The following UBE2E2 variants were observed in gnomAD, a reference collection of about 807,000 sequenced individuals.
UBE2E2 encodes ubiquitin-conjugating enzyme E2 E2.
Under a neutral mutation model 24.7 loss-of-function variants are expected in UBE2E2, and 6 were observed. The ratio of observed to expected loss-of-function variants is 0.24; its 90% CI spans 0.13 to 0.48. The LOEUF is 0.48. Ranked by LOEUF, UBE2E2 falls within the 20% of genes least tolerant of loss-of-function variation. The pLI, the probability that UBE2E2 is intolerant of heterozygous loss-of-function variation, is 0.99. For missense variants in UBE2E2, 169 were observed against 245.0 expected (o/e 0.69, Z 2.07); for synonymous variants, 104 against 83.6 (o/e 1.24, Z -1.33).
At chr3:23,210,504 G>A (rs891281295) in intron 2 of UBE2E2, among the ~76,000 whole-genome samples, 3 of 152,166 alleles carry the variant, frequency 2.0e-5, no homozygotes, top group Non-Finnish European at 4.4e-5. Flanking sequence ...ACTGCTTTAT[G>A]TGTGAACATG....
intron 3 of UBE2E2, among the ~76,000 whole-genome samples, chr3:23,370,292 A>G (rs993379980): frequency 6.6e-6 from 1 of 152,138 alleles, no homozygotes; most frequent in African/African-American, 2.4e-5. Context: ...ATCACTTTCA[A>G]CTTTTTCTGT....
At chr3:23,223,315 C>T (rs758198363) in intron 3 of UBE2E2, among the ~76,000 whole-genome samples, 2 of 151,748 alleles carry the variant, frequency 1.3e-5, no homozygotes, top group Non-Finnish European at 2.9e-5. Flanking sequence ...GCCTCAGCCT[C>T]CTGAATAACT....
chr3:23,253,971 G>A, intron 3 of UBE2E2, among the ~76,000 whole-genome samples: 1 of 152,116 alleles, frequency 6.6e-6, no homozygotes, highest in East Asian at 1.9e-4. Flanking sequence ...TTTAAATTTA[G>A]ATTTGTGATT....
chr3:23,235,164 A>C (rs114493927), intron 3 of UBE2E2, among the ~76,000 whole-genome samples: 2,208 of 152,320 alleles, frequency 0.014, 54 homozygotes, highest in African/African-American at 0.051. Context: ...AAAACAAAAC[A>C]AAACAGAAAA....
chr3:23,428,683 C>T (rs1191422798), intron 3 of UBE2E2, among the ~76,000 whole-genome samples: 2 of 151,766 alleles, frequency 1.3e-5, no homozygotes, highest in African/African-American at 4.8e-5. Context: ...ACATCAGAAA[C>T]AAAAGAGAGG....
At chr3:23,318,978 C>G (rs1455732273) in intron 3 of UBE2E2, among the ~76,000 whole-genome samples, 6 of 152,054 alleles carry the variant, frequency 3.9e-5, no homozygotes, top group Non-Finnish European at 7.4e-5. Context: ...TCCAGTGTTC[C>G]TTTTGTCAAA....
chr3:23,262,649 A>G (rs1184759783), intron 3 of UBE2E2, among the ~76,000 whole-genome samples: 1 of 151,738 alleles, frequency 6.6e-6, no homozygotes, highest in Non-Finnish European at 1.5e-5. Context: ...CTGCTTATAT[A>G]TTTTGGGTAT....
chr3:23,564,063 A>G lies in UBE2E2; in HGVS notation c.509-25671A>G, dbSNP rs1208903933. 2.0e-5 allele frequency among the ~76,000 whole-genome samples: 3 copies of G among 152,260 alleles called. No homozygotes were observed. In the South Asian group the frequency reaches 6.2e-4, roughly 32 times the overall value. Reference sequence around the variant, plus strand: ...TTTTTTTTTACCATTCCTAAGAACAACCATGTGTTTGTGTGTGAAGAATGG... The same window carrying G: ...TTTTTTTTTACCATTCCTAAGAACAGCCATGTGTTTGTGTGTGAAGAATGG... On this transcript the variant is annotated intron_variant, in intron 5 of 5. Coordinates refer to ENST00000396703, the MANE Select transcript of UBE2E2 (RefSeq NM_152653.4).
At chr3:23,530,990 T>C (rs1695110752) in intron 4 of UBE2E2, among the ~76,000 whole-genome samples, 1 of 152,164 alleles carries the variant, frequency 6.6e-6, no homozygotes, top group Non-Finnish European at 1.5e-5. Context: ...TTAAAGAATG[T>C]TGGTTATATT....
intron 3 of UBE2E2, among the ~76,000 whole-genome samples, chr3:23,471,554 A>G (rs1699033108): frequency 6.6e-6 from 1 of 152,208 alleles, no homozygotes; most frequent in Non-Finnish European, 1.5e-5. Flanking sequence ...CATAGCAACC[A>G]CTGAGATTGC....
chr3:23,258,662 G>A (rs1279009835), intron 3 of UBE2E2, among the ~76,000 whole-genome samples: 6 of 152,124 alleles, frequency 3.9e-5, no homozygotes, highest in Non-Finnish European at 5.9e-5. Flanking sequence ...GGGAGGCCGA[G>A]GCGGGCAGAT....
intron 3 of UBE2E2, among the ~76,000 whole-genome samples, chr3:23,325,359 G>T (rs1215663533): frequency 1.3e-5 from 2 of 152,102 alleles, no homozygotes; most frequent in African/African-American, 4.8e-5. Context: ...CTAATCTGAG[G>T]CTGGGCTGGA....
chr3:23,470,976 T>C (rs1366440036), intron 3 of UBE2E2, among the ~76,000 whole-genome samples: 1 of 152,188 alleles, frequency 6.6e-6, no homozygotes, highest in Non-Finnish European at 1.5e-5. Context: ...TGTAACCCTT[T>C]CTTCACACAA....
At chr3:23,306,606 A>G (rs1699243479) in intron 3 of UBE2E2, among the ~76,000 whole-genome samples, 1 of 152,184 alleles carries the variant, frequency 6.6e-6, no homozygotes. Context: ...GCAAATGTCG[A>G]TATTGCTTAG....
At chr3:23,439,817 G>A (rs549193117) in intron 3 of UBE2E2, among the ~76,000 whole-genome samples, 1 of 152,178 alleles carries the variant, frequency 6.6e-6, no homozygotes, top group African/African-American at 2.4e-5. Context: ...TATAACTAAA[G>A]TACCATAGTG....
intron 3 of UBE2E2, among the ~76,000 whole-genome samples, chr3:23,363,403 C>T (rs1382428991): frequency 6.6e-6 from 1 of 152,180 alleles, no homozygotes; most frequent in Non-Finnish European, 1.5e-5. Flanking sequence ...CTACAGGACT[C>T]ATCTCACATG....
Position 23,431,961 on chromosome 3 carries a change from A to T in UBE2E2, c.228-67647A>T, listed in dbSNP as rs529539105. Among the ~76,000 whole-genome samples, 1,245 of 152,300 alleles carry T rather than the reference A, an allele frequency of 8.2e-3. 15 individuals are homozygous for T. Among genetic ancestry groups the T allele is most frequent in the African/African-American group, 0.028 (1,161 of 41,576 alleles). The stretch of plus-strand genomic sequence containing the variant: ...GACTACTAAATAAGCTCTCACAGAC[A>T]GGTCATATGAAACCACGTTTATATC... On this transcript the variant is annotated intron_variant, in intron 3 of 5. Transcript: ENST00000396703.
intron 3 of UBE2E2, among the ~76,000 whole-genome samples, chr3:23,364,251 C>T (rs1295880690): frequency 6.6e-6 from 1 of 151,992 alleles, no homozygotes; most frequent in Non-Finnish European, 1.5e-5. Context: ...CCAGAGCTAG[C>T]AGAAGACAAC....
chr3:23,347,553 T>G (rs1161720325), intron 3 of UBE2E2, among the ~76,000 whole-genome samples: 1 of 150,862 alleles, frequency 6.6e-6, no homozygotes, highest in Non-Finnish European at 1.5e-5. Flanking sequence ...GGGCCTGTTG[T>G]GGGGTGGGGG....
Sources: allele counts gnomAD v4.1 joint callset (sites outside exome capture counted in the v4.1 genomes callset), GRCh38; gene constraint gnomAD v4.1.1; transcripts MANE v1.5; gene names NCBI Gene and HGNC (gene_info 2026-07-23, HGNC 2026-07-21).